Variants in TEX2 observed in about 807,000 individuals in gnomAD.
TEX2 encodes the protein testis expressed 2.
A neutral mutation model predicts 106.9 loss-of-function variants in TEX2; 53 were observed. The observed-to-expected ratio is 0.50, with a 90% CI of 0.40 to 0.62. The LOEUF is 0.62. Ranked by LOEUF, TEX2 falls within the 20% of genes least tolerant of loss-of-function variation. The pLI is 0.00. For synonymous variants in TEX2, 523 were observed against 534.8 expected (o/e 0.98, Z 0.30); for missense variants, 1,207 against 1,379.0 (o/e 0.88, Z 1.98).
rs755588776 is a variant in TEX2 at position 64,193,823 on chromosome 17, C to T, written c.1912G>A (p.Glu638Lys). 8 of 1,600,430 alleles carry T rather than the reference C, an allele frequency of 5.0e-6. No homozygotes were observed. Among genetic ancestry groups the T allele is most frequent in the Admixed American group, 3.4e-5 (2 of 58,946 alleles). The change falls in exon 4 of 12, where the codon GAG becomes AAG. Residue 638 changes from glutamate (E) to lysine (K), a missense_variant. Around this residue, in one of 3 missense-constraint regions of TEX2, gnomAD observed 1,067 missense variants for 1,193.6 expected, o/e 0.89. Coordinates refer to ENST00000584379, the MANE Select transcript of TEX2 (RefSeq NM_001288732.2). ...IWNKKYPICIELGQQDDFMSK... is the reference protein window; with the variant it reads ...IWNKKYPICIKLGQQDDFMSK... ...ATAAAGTCATCTTGCTGACCAAGCT[C>T]GATACAAATGGGGTACTTTTTATTC...
intron 1 of TEX2, among the ~76,000 whole-genome samples, chr17:64,230,355 C>T (rs1395421373): frequency 6.6e-6 from 1 of 152,152 alleles, no homozygotes; most frequent in Non-Finnish European, 1.5e-5. Context: ...AGGCAAGAAA[C>T]CCAGAGCCAT....
At position 64,213,611 on chromosome 17, in the gene TEX2, C is replaced by A. The variant is rs782028611; in HGVS notation, c.607G>T (p.Glu203Ter). The A allele has an allele frequency of 6.2e-7, 1 of 1,614,040 alleles. No individual in the cohort carries two copies. The highest frequency in any genetic ancestry group is 8.5e-7 in the Non-Finnish European group (1 of 1,179,984). ...KSLSTEVEPK[E>*]SPHPARHRHL... ...CTGTGCCTTGCGGGGTGTGGGGATT[C>A]TTTTGGCTCCACCTCGGTCGACAGG... The change falls in exon 2 of 12, where the codon GAA (glutamate) becomes TAA (stop). Residue 203 changes from glutamate (E) to a stop codon, truncating the protein, a stop_gained. Transcript: ENST00000584379. LOFTEE classifies it high-confidence loss of function. This position sits in a 1 kb window ranked among gnomAD's most constrained non-coding sequence, Gnocchi z 4.4.
chr17:64,154,033 A>T (rs1460169936), intron 9 of TEX2, among the ~76,000 whole-genome samples: 1 of 152,214 alleles, frequency 6.6e-6, no homozygotes, highest in Non-Finnish European at 1.5e-5. Flanking sequence ...TGAGACTCAG[A>T]AGAAAGGATA....
Position 64,193,571 on chromosome 17 carries a change from C to A in TEX2, c.2164G>T (p.Gly722Ter). ...SEIKKSSGVS[G>*]GKPGLLPAHS... Reference sequence around the variant, plus strand: ...CAAACATCATTACCTGGTTTACCTCCAGAGACACCCGATGACTTCTTGATT... The same window carrying A: ...CAAACATCATTACCTGGTTTACCTCAAGAGACACCCGATGACTTCTTGATT... Residue 722 changes from glycine (G) to a stop codon, truncating the protein, a stop_gained, in exon 4 of 12, where the codon GGA becomes TGA. Coordinates refer to ENST00000584379, the MANE Select transcript of TEX2 (RefSeq NM_001288732.2). LOFTEE classifies it high-confidence loss of function. 1 of 1,433,370 alleles carries A rather than the reference C, an allele frequency of 7.0e-7. No homozygotes were observed. 88.8% of individuals were successfully genotyped at this position (1,433,370 alleles called of 1,614,324 possible).
intron 7 of TEX2, among the ~76,000 whole-genome samples, chr17:64,165,709 C>T (rs1428603440): frequency 6.6e-6 from 1 of 152,220 alleles, no homozygotes; most frequent in Non-Finnish European, 1.5e-5. Context: ...AGGCACCAGG[C>T]ACACAGGTAG....
In TEX2 at chr17:64,188,392, G is replaced by A. The variant is rs751684629; in HGVS notation, c.2200C>T (p.His734Tyr). Reference sequence around the variant, plus strand: ...GTCAGGTGCCCGGACGGACTGTTGTGTCTGCTGTGTGCAGGCAAAAGCCCT... The same window carrying A: ...GTCAGGTGCCCGGACGGACTGTTGTATCTGCTGTGTGCAGGCAAAAGCCCT... ...KPGLLPAHSR[H>Y]NSPSGHLTHS... The change falls in exon 5 of 12, where the codon CAC (histidine) becomes TAC (tyrosine). Residue 734 changes from histidine to tyrosine, a missense_variant. Physicochemically the swap from His to Tyr is moderately conservative, Grantham distance 83. Around this residue, in one of 3 missense-constraint regions of TEX2, gnomAD observed 1,067 missense variants for 1,193.6 expected, o/e 0.89. Coordinates refer to ENST00000584379, the MANE Select transcript of TEX2 (RefSeq NM_001288732.2). The A allele has an allele frequency of 1.2e-6, 2 of 1,614,200 alleles. No individual in the cohort carries two copies. The highest frequency in any genetic ancestry group is 4.5e-5 in the East Asian group (2 of 44,884).
intron 7 of TEX2, among the ~76,000 whole-genome samples, chr17:64,169,253 G>C (rs2031286615): frequency 6.6e-6 from 1 of 152,066 alleles, no homozygotes. Flanking sequence ...TGGCCAGGCT[G>C]GTCTTGAACT....
At chr17:64,152,826 T>C in intron 10 of TEX2, 119 bp downstream of exon 10, 1 of 965,830 alleles carries the variant, frequency 1.0e-6, no homozygotes, top group East Asian at 2.5e-5. Flanking sequence ...GAAAATTGTT[T>C]GGAAGTGCTT....
intron 7 of TEX2, among the ~76,000 whole-genome samples, chr17:64,170,885 T>C (rs1288128077): frequency 2.0e-5 from 3 of 152,184 alleles, no homozygotes; most frequent in African/African-American, 7.2e-5. Flanking sequence ...TCCGCCTGCC[T>C]TGGCCTCCCA....
At position 64,153,810 on chromosome 17, in the gene TEX2, T is replaced by C. The variant is rs1364444371; in HGVS notation, c.2931-656A>G. Among the ~76,000 whole-genome samples the C allele has an allele frequency of 1.3e-5, 2 of 152,148 alleles. No homozygotes were observed. The highest frequency in any genetic ancestry group is 4.8e-5 in the African/African-American group (2 of 41,438). ...AGCCAGGAGTGGTGGTGTGCATCTG[T>C]AGTCCCAGCTACTCGGGAGGCTAAA... On this transcript the variant is annotated intron_variant, in intron 9 of 11. Coordinates refer to ENST00000584379, the MANE Select transcript of TEX2 (RefSeq NM_001288732.2). This position sits in a 1 kb window ranked among gnomAD's most constrained non-coding sequence, Gnocchi z 4.1.
intron 1 of TEX2, among the ~76,000 whole-genome samples, chr17:64,244,331 C>A (rs1338244663): frequency 1.3e-5 from 2 of 152,180 alleles, no homozygotes; most frequent in Non-Finnish European, 2.9e-5. Flanking sequence ...CTGGACCTCA[C>A]CGCTCAAACA....
At chr17:64,212,074 G>A (rs2033018533) in intron 2 of TEX2, among the ~76,000 whole-genome samples, 1 of 152,222 alleles carries the variant, frequency 6.6e-6, no homozygotes, top group Non-Finnish European at 1.5e-5. Context: ...CCTGACATCT[G>A]ATATGCAGTG....
chr17:64,248,112 C>T (rs993527908), intron 1 of TEX2, among the ~76,000 whole-genome samples: 2 of 152,074 alleles, frequency 1.3e-5, no homozygotes, highest in Non-Finnish European at 2.9e-5. Context: ...AGTGGGAAAA[C>T]GGCTGGTTAC....
rs1226758900 is a variant in TEX2, at chr17:64,214,819, T to C, written c.-25-577A>G. ...CCAAATGTGGAAATCTGTAAACTAATTGCCATGGTCTGTTGGCCTCCTCAA... is the reference window on the plus strand; with the variant it reads ...CCAAATGTGGAAATCTGTAAACTAACTGCCATGGTCTGTTGGCCTCCTCAA... On this transcript the variant is annotated intron_variant, in intron 1 of 11. Transcript: ENST00000584379. Among the ~76,000 whole-genome samples, 3 of 152,230 alleles carry C rather than the reference T, an allele frequency of 2.0e-5. No homozygotes were observed. The East Asian group carries it at 5.8e-4, about 29-fold the overall frequency.
At chr17:64,174,981 C>G (rs1188129157) in intron 6 of TEX2, among the ~76,000 whole-genome samples, 1 of 152,190 alleles carries the variant, frequency 6.6e-6, no homozygotes, top group Non-Finnish European at 1.5e-5. Flanking sequence ...GTCAGGCCTT[C>G]CAGGGAAACC....
rs937919620 is a variant in TEX2 at position 64,235,894 on chromosome 17, G to A, written c.-25-21652C>T. Among the ~76,000 whole-genome samples, 6 of 151,664 alleles carry A rather than the reference G, an allele frequency of 4.0e-5. No individual in the cohort carries two copies. The East Asian group carries it at 5.8e-4, about 15-fold the overall frequency. Reference sequence around the variant, plus strand: ...GGTTACATTAGCCTAGGACTTTACCGAGACACAAACAAGCTATATCAGATG... The same window carrying A: ...GGTTACATTAGCCTAGGACTTTACCAAGACACAAACAAGCTATATCAGATG... On this transcript the variant is annotated intron_variant, in intron 1 of 11. Transcript: ENST00000584379.
At chr17:64,168,902 CTTTT>C (rs3070736) in intron 7 of TEX2, among the ~76,000 whole-genome samples, 9 of 106,940 alleles carry the variant, frequency 8.4e-5, no homozygotes, top group Non-Finnish European at 1.4e-4. Flanking sequence ...ATAGATGGTG[CTTTT>C]TTTTTTTTTT....
At chr17:64,188,893 C>T (rs4968701) in intron 4 of TEX2, among the ~76,000 whole-genome samples, 69,356 of 151,678 alleles carry the variant, frequency 0.46, 19,397 homozygotes, top group East Asian at 0.83. Context: ...TTTTTAAGAA[C>T]GGTTTTTATT....
chr17:64,178,666 CA>C (rs1176680610), intron 5 of TEX2, among the ~76,000 whole-genome samples: 2 of 152,150 alleles, frequency 1.3e-5, no homozygotes, highest in Non-Finnish European at 2.9e-5. Context: ...CTTTGGAAAG[CA>C]AAGATGAAAA....
Sources: gnomAD v4.1 joint callset for allele counts (sites outside exome capture counted in the v4.1 genomes callset) on GRCh38, gnomAD v4.1.1 for gene constraint, gnomAD v4.1.1 regional missense constraint, Gnocchi (gnomAD v3.1) non-coding constraint, MANE v1.5 for transcripts, NCBI Gene and HGNC (gene_info 2026-07-23, HGNC 2026-07-21) for gene names.